The following OXTR variants were observed in gnomAD, a reference collection of about 807,000 sequenced individuals.
OXTR encodes oxytocin receptor.
Under a neutral mutation model 23.9 loss-of-function variants are expected in OXTR, and 19 were observed. The observed-to-expected ratio is 0.80, with a 90% CI of 0.56 to 1.17. The LOEUF (loss-of-function observed/expected upper bound fraction) is 1.17, where lower values mean the gene tolerates loss of function less well. Among genes scored for constraint, OXTR ranks in the 50% most tolerant of loss-of-function variants. The probability of loss-of-function intolerance (pLI) is 0.00; values close to 1 mark genes in which losing one functional copy is unlikely to be tolerated. For missense variants in OXTR, 500 were observed against 550.7 expected, an observed-to-expected ratio of 0.91 and a Z score of 0.92; for synonymous variants, 278 against 250.5, an observed-to-expected ratio of 1.11 and a Z score of -1.04.
chr3:8,748,477 C>T (rs533252735), downstream of OXTR, among the ~76,000 whole-genome samples: 4 of 152,168 alleles, frequency 2.6e-5, no homozygotes, highest in East Asian at 5.8e-4. Context: ...GCATCTGTGC[C>T]GTAATCAGGC....
downstream of OXTR, among the ~76,000 whole-genome samples, chr3:8,748,591 T>C (rs1241507127): frequency 2.0e-5 from 3 of 152,140 alleles, no homozygotes; most frequent in Admixed American, 1.3e-4. Flanking sequence ...TGGAAACAAA[T>C]GTTTATCTAG....
Position 8,768,286 on chromosome 3 carries a change from G to C in OXTR, c.-99C>G. ...GTCGGAGGGTGTAGGGGCGCCCGGG[G>C]CTCCACTCCTGGAGACTCCACGGAC... On this transcript the variant is annotated 5_prime_UTR_variant, in exon 3 of 4. Transcript: ENST00000316793. This position sits in a 1 kb window ranked among gnomAD's most constrained non-coding sequence, Gnocchi z 5.4. The C allele has an allele frequency of 8.1e-7, 1 of 1,228,392 alleles. No homozygotes were observed. The highest frequency in any genetic ancestry group is 1.0e-6 in the Non-Finnish European group (1 of 988,086). 76.1% of individuals were successfully genotyped at this position (1,228,392 alleles called of 1,614,324 possible).
intron 3 of OXTR, among the ~76,000 whole-genome samples, chr3:8,763,702 G>A (rs1298205564): frequency 6.6e-6 from 1 of 152,164 alleles, no homozygotes; most frequent in Non-Finnish European, 1.5e-5. Context: ...CACCAAGTCA[G>A]CACCCGACGG....
chr3:8,763,870 T>C (rs151463), intron 3 of OXTR, among the ~76,000 whole-genome samples: 57,675 of 151,242 alleles, frequency 0.38, 11,465 homozygotes, highest in Non-Finnish European at 0.45. Context: ...AGAGAGACTA[T>C]TATTATTAAT....
At chr3:8,759,277 G>C (rs1227181744) in intron 3 of OXTR, among the ~76,000 whole-genome samples, 3 of 152,164 alleles carry the variant, frequency 2.0e-5, no homozygotes, top group African/African-American at 4.8e-5. Context: ...AAACCCTCCT[G>C]ATTTCTTCCC....
In OXTR at chr3:8,752,191, G is replaced by A. The variant is rs1006585509; in HGVS notation, c.*786C>T. Reference sequence around the variant, plus strand: ...CAATTCATTTTTGTATATTGATCTTGTATCTTGAAACCTTGCGGAACTTGC... The same window carrying A: ...CAATTCATTTTTGTATATTGATCTTATATCTTGAAACCTTGCGGAACTTGC... On this transcript the variant is annotated 3_prime_UTR_variant, in exon 4 of 4. Coordinates refer to ENST00000316793, the MANE Select transcript of OXTR (RefSeq NM_000916.4). 1 of 151,856 alleles carries A rather than the reference G, an allele frequency of 6.6e-6. No individual in the cohort carries two copies. The highest frequency in any genetic ancestry group is 1.5e-5 in the Non-Finnish European group (1 of 67,986). The allele number at this position is 151,856 out of a possible 1,614,324, so 9.4% of individuals were successfully genotyped here.
chr3:8,746,798 C>G (rs1275339284), downstream of OXTR: 2 of 113,710 alleles, frequency 1.8e-5, no homozygotes, highest in Non-Finnish European at 3.8e-5. Flanking sequence ...CTCTCTCTCT[C>G]TCACACACAC....
At chr3:8,759,088 G>A (rs946367363) in intron 3 of OXTR, among the ~76,000 whole-genome samples, 1 of 152,158 alleles carries the variant, frequency 6.6e-6, no homozygotes, top group African/African-American at 2.4e-5. Flanking sequence ...AACAAAATAC[G>A]CATTAAAGTT....
At position 8,767,470 on chromosome 3, in the gene OXTR, C is replaced by T. The variant is rs1708640161; in HGVS notation, c.718G>A (p.Ala240Thr). The T allele has an allele frequency of 6.2e-7, 1 of 1,601,782 alleles. No homozygotes were observed. The highest frequency in any genetic ancestry group is 1.1e-5 in the South Asian group (1 of 89,828). The change falls in exon 3 of 4, where the codon GCG becomes ACG. Residue 240 changes from alanine (A) to threonine (T), a missense_variant. Ala to Thr is a moderately conservative substitution (Grantham distance 58). Coordinates refer to ENST00000316793, the MANE Select transcript of OXTR (RefSeq NM_000916.4). ...GCCGCGCCCTCTGGCGCCTCGGCCG[C>T]CGCCGCTGCAGCGGTCTTGAGCCGC... ...NLRLKTAAAA[A>T]AEAPEGAAAG...
At chr3:8,747,222 C>T (rs926148731), downstream of OXTR, among the ~76,000 whole-genome samples, 2 of 152,172 alleles carry the variant, frequency 1.3e-5, no homozygotes, top group South Asian at 2.1e-4. Flanking sequence ...AGGACGCAGG[C>T]AGCCTTGGTT....
downstream of OXTR, among the ~76,000 whole-genome samples, chr3:8,750,187 C>T (rs1357246838): frequency 6.6e-6 from 1 of 152,212 alleles, no homozygotes; most frequent in Non-Finnish European, 1.5e-5. Flanking sequence ...CCTGCAGCTA[C>T]AAGGCATCAC....
At chr3:8,762,739 G>T (rs1708516258) in intron 3 of OXTR, among the ~76,000 whole-genome samples, 1 of 152,232 alleles carries the variant, frequency 6.6e-6, no homozygotes, top group Non-Finnish European at 1.5e-5. Context: ...TACAGATGGG[G>T]AAACAGTTCA....
At chr3:8,762,394 C>T (rs571057684) in intron 3 of OXTR, among the ~76,000 whole-genome samples, 8 of 152,180 alleles carry the variant, frequency 5.3e-5, no homozygotes, top group Non-Finnish European at 7.4e-5. Context: ...GGCAGAAACC[C>T]TAAGGGAAAA....
At chr3:8,747,595 G>A (rs2124990038), downstream of OXTR, among the ~76,000 whole-genome samples, 1 of 152,288 alleles carries the variant, frequency 6.6e-6, no homozygotes, top group Non-Finnish European at 1.5e-5. Flanking sequence ...GAGAAGTCAG[G>A]AACCTTGCCA....
At position 8,765,916 on chromosome 3, in the gene OXTR, A is replaced by G. The variant is rs112880473; in HGVS notation, c.922+1350T>C. Among the ~76,000 whole-genome samples the G allele has an allele frequency of 3.6e-3, 551 of 152,330 alleles. 2 individuals are homozygous for G. The highest frequency in any genetic ancestry group is 0.013 in the African/African-American group (526 of 41,570). ...ACTGAGCTAACTGGGAGGGTTCCAT[A>G]AAGCCTGGAGTCTGTGATTTTCAGA... is the stretch of plus-strand genomic sequence containing the variant. On this transcript the variant is annotated intron_variant, in intron 3 of 3. Transcript: ENST00000316793.
At chr3:8,762,020 G>C (rs138066994) in intron 3 of OXTR, among the ~76,000 whole-genome samples, 2 of 152,222 alleles carry the variant, frequency 1.3e-5, no homozygotes, top group Non-Finnish European at 2.9e-5. Context: ...GCCCTGTGGG[G>C]TTGCCTTTGC....
chr3:8,745,543 G>T (rs372754279), downstream of OXTR: 1 of 1,614,128 alleles, frequency 6.2e-7, no homozygotes, highest in South Asian at 1.1e-5. This position sits in a 1 kb window ranked among gnomAD's most constrained non-coding sequence, Gnocchi z 4.8. Context: ...TTGAAGACGT[G>T]ATCGCAGAGC....
chr3:8,750,834 T>G lies in OXTR; in HGVS notation c.*2143A>C, dbSNP rs1030997885. On this transcript the variant is annotated 3_prime_UTR_variant, in exon 4 of 4. Coordinates refer to ENST00000316793, the MANE Select transcript of OXTR (RefSeq NM_000916.4). ...TTTTGGCTATTACAAATAATGTTGC[T>G]ATGAACATTGGTGTACAAGTTTTTG... The G allele has an allele frequency of 6.6e-6, 1 of 152,264 alleles. No individual in the cohort carries two copies. Among genetic ancestry groups the G allele is most frequent in the African/African-American group, 2.4e-5 (1 of 41,474 alleles). 9.4% of individuals were successfully genotyped at this position (152,264 alleles called of 1,614,324 possible).
At chr3:8,755,799 A>G (rs1397328682) in intron 3 of OXTR, among the ~76,000 whole-genome samples, 1 of 152,228 alleles carries the variant, frequency 6.6e-6, no homozygotes, top group Non-Finnish European at 1.5e-5. Flanking sequence ...ACAGCACTTC[A>G]AAGCTCTACC....
Sources: allele counts gnomAD v4.1 joint callset (sites outside exome capture counted in the v4.1 genomes callset), GRCh38; gene constraint gnomAD v4.1.1; non-coding constraint Gnocchi (gnomAD v3.1); transcripts MANE v1.5; gene names NCBI Gene and HGNC (gene_info 2026-07-23, HGNC 2026-07-21).